The following DACH1 variants were observed in gnomAD, a reference collection of about 807,000 sequenced individuals.
The protein encoded by DACH1 is dachshund homolog 1.
DACH1 carries 12 observed loss-of-function variants against 54.2 expected under a neutral mutation model. The observed-to-expected ratio is 0.22, with a 90% CI of 0.14 to 0.36. The LOEUF is 0.36. DACH1 is among the 10% of genes least tolerant of loss of function. The pLI, the probability that DACH1 is intolerant of heterozygous loss-of-function variation, is 1.00. For missense variants in DACH1, 805 were observed against 929.8 expected, an observed-to-expected ratio of 0.87 and a Z score of 1.75; for synonymous variants, 386 against 366.2, an observed-to-expected ratio of 1.05 and a Z score of -0.62.
intron 6 of DACH1, among the ~76,000 whole-genome samples, chr13:71,507,563 C>T (rs918411864): frequency 2.6e-5 from 4 of 152,106 alleles, no homozygotes; most frequent in Admixed American, 6.6e-5. Context: ...AAACTAGTCA[C>T]TCTAGAAATA....
At chr13:71,774,392 T>G (rs1160689498) in intron 1 of DACH1, among the ~76,000 whole-genome samples, 1 of 152,130 alleles carries the variant, frequency 6.6e-6, no homozygotes, top group Non-Finnish European at 1.5e-5. Flanking sequence ...CATAACATAG[T>G]GTTCTTTAAA....
At position 71,439,445 on chromosome 13, in the gene DACH1, T is replaced by A. The variant is rs903247947; in HGVS notation, c.*1210A>T. On this transcript the variant is annotated 3_prime_UTR_variant, in exon 11 of 11. Transcript: ENST00000613252. ...GCACAGCACATTTTAACTTTATCACTCAGCGCTACATGGTATTGGACTGGT... is the reference window on the plus strand; with the variant it reads ...GCACAGCACATTTTAACTTTATCACACAGCGCTACATGGTATTGGACTGGT... 3.9e-5 allele frequency: 6 copies of A among 152,474 alleles called. No individual in the cohort carries two copies. The highest frequency in any genetic ancestry group is 1.4e-4 in the African/African-American group (6 of 41,452). 9.4% of individuals were successfully genotyped at this position (152,474 alleles called of 1,614,324 possible). A position where few individuals can be genotyped will look rare whatever the true frequency, so the allele number is the denominator to read the frequency against.
chr13:71,741,324 T>G (rs980400277), intron 1 of DACH1, among the ~76,000 whole-genome samples: 112 of 152,298 alleles, frequency 7.4e-4, no homozygotes, highest in African/African-American at 2.6e-3. Flanking sequence ...AGGAAATGCC[T>G]TATCAGATAC....
At chr13:71,746,183 A>G (rs1025148034) in intron 1 of DACH1, among the ~76,000 whole-genome samples, 8 of 152,292 alleles carry the variant, frequency 5.3e-5, no homozygotes, top group Non-Finnish European at 1.0e-4. Context: ...GCGCCACTGC[A>G]CTCCAGCCTG....
Position 71,439,212 on chromosome 13 carries a change from G to A in DACH1, c.*1443C>T, listed in dbSNP as rs540165584. 1 of 152,500 alleles carries A rather than the reference G, an allele frequency of 6.6e-6. No homozygotes were observed. Among genetic ancestry groups the A allele is most frequent in the East Asian group, 1.9e-4 (1 of 5,176 alleles). 9.4% of individuals were successfully genotyped at this position (152,500 alleles called of 1,614,324 possible). On this transcript the variant is annotated 3_prime_UTR_variant, in exon 11 of 11. Coordinates refer to ENST00000613252, the MANE Select transcript of DACH1 (RefSeq NM_080759.6). ...TAAGATGACAGAAAAATCATAAAAT[G>A]TATAGTGACCGTACTGATTCATATC...
At chr13:71,659,759 T>A (rs1441563740) in intron 2 of DACH1, among the ~76,000 whole-genome samples, 2 of 152,128 alleles carry the variant, frequency 1.3e-5, no homozygotes, top group East Asian at 3.9e-4. Flanking sequence ...ACATGTATCA[T>A]CTTACACAGG....
intron 1 of DACH1, among the ~76,000 whole-genome samples, chr13:71,824,120 C>T (rs1043449058): frequency 6.6e-5 from 10 of 151,832 alleles, no homozygotes; most frequent in Admixed American, 3.9e-4. Flanking sequence ...GTGTTACCTA[C>T]GTTGAGACTC....
chr13:71,466,957 C>T (rs1876636013), intron 10 of DACH1, among the ~76,000 whole-genome samples: 1 of 151,554 alleles, frequency 6.6e-6, no homozygotes, highest in Admixed American at 6.6e-5. Context: ...TGAAATGTCC[C>T]AACACAGACA....
At chr13:71,611,822 C>CT (rs1566377396) in intron 3 of DACH1, among the ~76,000 whole-genome samples, 1 of 151,992 alleles carries the variant, frequency 6.6e-6, no homozygotes, top group African/African-American at 2.4e-5. Context: ...CTGATGAAAG[C>CT]TTTTTTGCCT....
At chr13:71,751,527 A>C (rs1195457180) in intron 1 of DACH1, among the ~76,000 whole-genome samples, 1 of 152,222 alleles carries the variant, frequency 6.6e-6, no homozygotes, top group African/African-American at 2.4e-5. Context: ...AATGGGATAC[A>C]GAAATTATTT....
At chr13:71,583,890 T>C (rs1018619294) in intron 3 of DACH1, among the ~76,000 whole-genome samples, 2 of 152,202 alleles carry the variant, frequency 1.3e-5, no homozygotes, top group Non-Finnish European at 2.9e-5. Context: ...AATGAATCGT[T>C]ATCTGATTCT....
Position 71,482,295 on chromosome 13 carries a change from A to C in DACH1, c.1723-2979T>G, listed in dbSNP as rs78334714. Among the ~76,000 whole-genome samples the C allele has an allele frequency of 6.9e-3, 1,058 of 152,264 alleles. 7 individuals are homozygous for C. Among genetic ancestry groups the C allele is most frequent in the East Asian group, 0.031 (160 of 5,174 alleles). On this transcript the variant is annotated intron_variant, in intron 7 of 10. Transcript: ENST00000613252. ...CTACAGTTGATACGGCTTAGAAAGTACAATATCTGTCTATATAAGAAGACT... is the reference window on the plus strand; with the variant it reads ...CTACAGTTGATACGGCTTAGAAAGTCCAATATCTGTCTATATAAGAAGACT...
chr13:71,654,706 G>A (rs1047960007), intron 2 of DACH1, among the ~76,000 whole-genome samples: 8 of 151,918 alleles, frequency 5.3e-5, no homozygotes, highest in South Asian at 2.1e-4. Flanking sequence ...GTTCACAAAC[G>A]TTACATTCAA....
intron 3 of DACH1, among the ~76,000 whole-genome samples, chr13:71,587,119 A>G (rs962821239): frequency 1.3e-5 from 2 of 152,098 alleles, no homozygotes; most frequent in Admixed American, 6.6e-5. Context: ...GTTTTATCCT[A>G]ATGAATAAAT....
Position 71,735,286 on chromosome 13 carries a change from GAT to G in DACH1, c.849-53378_849-53377del, listed in dbSNP as rs1475500095. 1.9e-4 allele frequency among the ~76,000 whole-genome samples: 12 copies of G among 63,932 alleles called. 2 individuals carry two copies. Among genetic ancestry groups the G allele is most frequent in the African/African-American group, 3.9e-4 (11 of 28,416 alleles). The allele number at this position is 63,932 out of a possible 152,430, so 41.9% of individuals were successfully genotyped here. On this transcript the variant is annotated intron_variant, in intron 1 of 10. Transcript: ENST00000613252. ...ATATGGGATACACGTATGTATATGG[GAT>G]ATACACGTATACGGGATATACGTGT... is the stretch of plus-strand genomic sequence containing the variant.
intron 4 of DACH1, among the ~76,000 whole-genome samples, chr13:71,566,826 A>T (rs546965620): frequency 6.6e-6 from 1 of 152,178 alleles, no homozygotes; most frequent in East Asian, 1.9e-4. Context: ...ATTTTTGTGA[A>T]AAAAATTTAT....
intron 5 of DACH1, among the ~76,000 whole-genome samples, chr13:71,558,153 T>C (rs1193451071): frequency 6.6e-6 from 1 of 152,064 alleles, no homozygotes; most frequent in African/African-American, 2.4e-5. Context: ...GATAAAGTTG[T>C]ATTAAATCTA....
chr13:71,770,900 C>T (rs1174742658), intron 1 of DACH1, among the ~76,000 whole-genome samples: 1 of 151,514 alleles, frequency 6.6e-6, no homozygotes, highest in East Asian at 1.9e-4. Flanking sequence ...TGACACCACT[C>T]TCATTAGATT....
chr13:71,440,113 A>G lies in DACH1; in HGVS notation c.*542T>C, dbSNP rs1039011176. On this transcript the variant is annotated 3_prime_UTR_variant, in exon 11 of 11. Transcript: ENST00000613252. ...AAAATTCTTCAGGAGAAAACCCACA[A>G]TTAGAGAGTTTGAAATTGAATGTAA... 1 of 152,098 alleles carries G rather than the reference A, an allele frequency of 6.6e-6. No individual in the cohort carries two copies. Among genetic ancestry groups the G allele is most frequent in the Non-Finnish European group, 1.5e-5 (1 of 67,870 alleles). The allele number at this position is 152,098 out of a possible 1,614,324, so 9.4% of individuals were successfully genotyped here.
Sources: gnomAD v4.1 joint callset for allele counts (sites outside exome capture counted in the v4.1 genomes callset) on GRCh38, gnomAD v4.1.1 for gene constraint, MANE v1.5 for transcripts, NCBI Gene and HGNC (gene_info 2026-07-23, HGNC 2026-07-21) for gene names.